The following MMD2 variants were observed in gnomAD, a reference collection of about 807,000 sequenced individuals.
The protein encoded by MMD2 is monocyte to macrophage differentiation factor 2.
In MMD2, 30 loss-of-function variants were observed where a neutral mutation model predicts 33.5. That is an observed-to-expected ratio of 0.90 (90% CI 0.67 to 1.22). MMD2 has a LOEUF of 1.22. Among genes scored for constraint, MMD2 ranks in the 50% most tolerant of loss-of-function variants. The pLI, the probability that MMD2 is intolerant of heterozygous loss-of-function variation, is 0.00. For missense variants in MMD2, 364 were observed against 325.4 expected, an observed-to-expected ratio of 1.12 and a Z score of -0.91; for synonymous variants, 129 against 123.0, an observed-to-expected ratio of 1.05 and a Z score of -0.32.
chr7:4,951,148 C>T (rs1786231780), intron 1 of MMD2, among the ~76,000 whole-genome samples: 1 of 152,176 alleles, frequency 6.6e-6, no homozygotes, highest in East Asian at 1.9e-4. Context: ...GCACCTACAG[C>T]TCCAGCCTGC....
intron 4 of MMD2, among the ~76,000 whole-genome samples, chr7:4,914,735 A>G (rs1394059978): frequency 1.3e-5 from 2 of 152,078 alleles, no homozygotes; most frequent in Non-Finnish European, 2.9e-5. Flanking sequence ...GTTTCAGACC[A>G]CCCTGGCCAA....
chr7:4,935,307 G>A (rs574811938), intron 1 of MMD2, among the ~76,000 whole-genome samples: 28 of 152,148 alleles, frequency 1.8e-4, no homozygotes, highest in African/African-American at 5.5e-4. Flanking sequence ...AGCTATGATC[G>A]TGCCACTGCA....
chr7:4,911,098 G>C, intron 5 of MMD2, 47 bp downstream of exon 5: 4 of 1,463,522 alleles, frequency 2.7e-6, no homozygotes, highest in Non-Finnish European at 3.7e-6. Context: ...GGAGGCCAGA[G>C]CATCTAAGGG....
At chr7:4,894,048 C>G in the MMD2 span, among the ~76,000 whole-genome samples, 8 of 152,120 alleles carry the variant, frequency 5.3e-5, no homozygotes, top group Non-Finnish European at 8.8e-5. The surrounding 1 kb of genome is among the most constrained non-coding windows in gnomAD (Gnocchi z 4.3). Context: ...AATGCCTTAA[C>G]CTCCTAGGAA....
downstream of MMD2, among the ~76,000 whole-genome samples, chr7:4,903,435 G>A (rs1220298312): frequency 6.6e-6 from 1 of 151,850 alleles, no homozygotes; most frequent in African/African-American, 2.4e-5. Context: ...CTCCCTCGCG[G>A]AGCCTGAAGC....
chr7:4,917,936 G>A (rs1280342114), intron 3 of MMD2, among the ~76,000 whole-genome samples: 2 of 152,086 alleles, frequency 1.3e-5, no homozygotes, highest in Admixed American at 6.6e-5. Context: ...ATGGTGTGTG[G>A]TTCCTGAGGC....
intron 3 of MMD2, 67 bp from the exon 4 acceptor site, chr7:4,916,146 C>T: frequency 6.7e-7 from 1 of 1,499,674 alleles, no homozygotes; most frequent in Non-Finnish European, 9.3e-7. Context: ...GCCCCCAGAG[C>T]CGTGCCCTGG....
At chr7:4,909,820 C>T (rs1784959377) in intron 6 of MMD2, 61 bp downstream of exon 6, 1 of 1,560,476 alleles carries the variant, frequency 6.4e-7, no homozygotes, top group African/African-American at 1.4e-5. Context: ...ACAGCCAGGT[C>T]CAGCTCGGAC....
intron 1 of MMD2, among the ~76,000 whole-genome samples, chr7:4,931,907 G>C (rs1785597757): frequency 6.6e-6 from 1 of 152,116 alleles, no homozygotes; most frequent in Non-Finnish European, 1.5e-5. Flanking sequence ...AAGCCCTCCA[G>C]GAGGCCGGGC....
chr7:4,945,246 C>CTTCTTCTTCTTCT (rs1562493963), intron 1 of MMD2, among the ~76,000 whole-genome samples: 7 of 22,884 alleles, frequency 3.1e-4, no homozygotes, highest in Non-Finnish European at 5.7e-4. Context: ...CTTCCTCTCT[C>CTTCTTCTTCTTCT]TCTTTCTTTC....
At chr7:4,902,985 CCCAGCACTTTGTG>C (rs771126195), downstream of MMD2, among the ~76,000 whole-genome samples, 17 of 152,172 alleles carry the variant, frequency 1.1e-4, no homozygotes, top group Non-Finnish European at 2.4e-4. Context: ...TGCCTATAAT[CCCAGCACTTTGTG>C]CGGCCGAGGC....
chr7:4,934,428 G>A (rs1217280636), intron 1 of MMD2, among the ~76,000 whole-genome samples: 1 of 152,192 alleles, frequency 6.6e-6, no homozygotes, highest in Admixed American at 6.5e-5. Flanking sequence ...CAAGTGAAAT[G>A]CGTAGATAAA....
intron 1 of MMD2, among the ~76,000 whole-genome samples, chr7:4,958,459 C>A (rs1432544537): frequency 2.6e-5 from 4 of 152,224 alleles, no homozygotes; most frequent in African/African-American, 4.8e-5. Context: ...GTGCCTCCCC[C>A]CACCGCACCC....
At position 4,938,002 on chromosome 7, in the gene MMD2, C is replaced by CTTT. The variant is rs1165504272; in HGVS notation, c.48-12473_48-12471dup. Among the ~76,000 whole-genome samples, 91 of 45,640 alleles carry CTTT rather than the reference C, an allele frequency of 2.0e-3. 1 individual carries two copies. Among genetic ancestry groups the CTTT allele is most frequent in the African/African-American group, 5.0e-3 (49 of 9,738 alleles). The allele number at this position is 45,640 out of a possible 152,430, so 29.9% of individuals were successfully genotyped here. On this transcript the variant is annotated intron_variant, in intron 1 of 6. Coordinates refer to ENST00000401401, the MANE Select transcript of MMD2 (RefSeq NM_198403.4). The stretch of plus-strand genomic sequence containing the variant: ...TTTTTTTTTCTTTTTTTCTTTCTTT[C>CTTT]TTTTTTTTTTTTTTTTTTTTTTTTT...
chr7:4,936,925 G>A (rs575982333), intron 1 of MMD2, among the ~76,000 whole-genome samples: 3 of 151,048 alleles, frequency 2.0e-5, no homozygotes, highest in South Asian at 2.1e-4. Flanking sequence ...TAGTAGAGAC[G>A]GGGTTTCACC....
At chr7:4,903,491 C>T (rs1309471363), downstream of MMD2, among the ~76,000 whole-genome samples, 1 of 152,180 alleles carries the variant, frequency 6.6e-6, no homozygotes, top group Non-Finnish European at 1.5e-5. Flanking sequence ...ACACCTTCAG[C>T]TTCCAATCCA....
the MMD2 span, among the ~76,000 whole-genome samples, chr7:4,894,866 G>A: frequency 6.6e-6 from 1 of 152,158 alleles, no homozygotes; most frequent in Admixed American, 6.5e-5. This position sits in a 1 kb window ranked among gnomAD's most constrained non-coding sequence, Gnocchi z 4.3. Flanking sequence ...TGAAGGGTAG[G>A]TGGTGTATGT....
intron 1 of MMD2, among the ~76,000 whole-genome samples, chr7:4,939,908 T>C (rs1409915938): frequency 6.6e-6 from 1 of 152,042 alleles, no homozygotes; most frequent in African/African-American, 2.4e-5. Flanking sequence ...CTGGCTAATT[T>C]TTTTTGTATT....
At chr7:4,926,330 G>A (rs1026207304) in intron 1 of MMD2, among the ~76,000 whole-genome samples, 3 of 152,076 alleles carry the variant, frequency 2.0e-5, no homozygotes, top group African/African-American at 7.2e-5. Flanking sequence ...CGAACTCCAA[G>A]CGATCCTCCC....
Sources: gnomAD v4.1 joint callset for allele counts (sites outside exome capture counted in the v4.1 genomes callset) on GRCh38, gnomAD v4.1.1 for gene constraint, Gnocchi (gnomAD v3.1) non-coding constraint, MANE v1.5 for transcripts, NCBI Gene and HGNC (gene_info 2026-07-23, HGNC 2026-07-21) for gene names.